The following CNST variants were observed in gnomAD, a reference collection of about 807,000 sequenced individuals.
The protein encoded by CNST is consortin, connexin sorting protein.
CNST carries 39 observed loss-of-function variants against 72.4 expected under a neutral mutation model. The ratio of observed to expected loss-of-function variants is 0.54; its 90% confidence interval spans 0.42 to 0.70. The LOEUF (loss-of-function observed/expected upper bound fraction) is 0.70, where lower values mean the gene tolerates loss of function less well. Ranked by LOEUF, CNST falls within the 30% of genes least tolerant of loss-of-function variation. The pLI is 0.00. For missense variants in CNST, 871 were observed against 868.5 expected (o/e 1.00, Z -0.04); for synonymous variants, 332 against 320.1 (o/e 1.04, Z -0.40).
At position 246,628,850 on chromosome 1, in the gene CNST, A is replaced by T. The variant is rs145833047; in HGVS notation, c.586-3044A>T. On this transcript the variant is annotated intron_variant, in intron 3 of 10. Coordinates refer to ENST00000366513, the MANE Select transcript of CNST (RefSeq NM_152609.3). ...TAGAGCGTTCCTGATTGGTAAAAGGATAACCAGGATCACCTTACACCTGTT... is the reference window on the plus strand; with the variant it reads ...TAGAGCGTTCCTGATTGGTAAAAGGTTAACCAGGATCACCTTACACCTGTT... Among the ~76,000 whole-genome samples, 8 of 152,278 alleles carry T rather than the reference A, an allele frequency of 5.3e-5. No individual in the cohort carries two copies. The South Asian group carries it at 8.3e-4, about 16-fold the overall frequency.
At chr1:246,628,174 A>T (rs1351337006) in intron 3 of CNST, among the ~76,000 whole-genome samples, 1 of 152,138 alleles carries the variant, frequency 6.6e-6, no homozygotes, top group East Asian at 1.9e-4. Context: ...GGTGTCCACC[A>T]GTTTAAAAGG....
intron 1 of CNST, among the ~76,000 whole-genome samples, chr1:246,582,399 AGTGCAGTG>A (rs1438533203): frequency 6.8e-6 from 1 of 147,462 alleles, no homozygotes; most frequent in East Asian, 2.0e-4. Context: ...CCCAGCCTGG[AGTGCAGTG>A]GTGTGATCCC....
intron 3 of CNST, among the ~76,000 whole-genome samples, chr1:246,629,023 G>GTATT (rs1208445382): frequency 6.6e-6 from 1 of 151,994 alleles, no homozygotes; most frequent in Non-Finnish European, 1.5e-5. Context: ...TTTTTTATTT[G>GTATT]TATTTATTTA....
chr1:246,652,211 T>C (rs1260280198), intron 9 of CNST, among the ~76,000 whole-genome samples: 2 of 152,214 alleles, frequency 1.3e-5, no homozygotes, highest in Admixed American at 6.5e-5. Flanking sequence ...CTGGAAGAGT[T>C]GCATTATCTT....
chr1:246,626,451 CTTTT>C (rs74163468), intron 3 of CNST, among the ~76,000 whole-genome samples: 3 of 79,918 alleles, frequency 3.8e-5, no homozygotes, highest in Admixed American at 2.0e-4. Context: ...TAGGTTTGTC[CTTTT>C]TTTTTTTTTT....
chr1:246,641,823 T>C (rs1665710148), intron 7 of CNST, 53 bp downstream of exon 7: 6 of 1,261,574 alleles, frequency 4.8e-6, no homozygotes. Flanking sequence ...TTGTGTCATA[T>C]GTCTGTTGTA....
chr1:246,625,296 CCTTT>C (rs1664339382), intron 3 of CNST, among the ~76,000 whole-genome samples: 1 of 152,086 alleles, frequency 6.6e-6, no homozygotes, highest in South Asian at 2.1e-4. Flanking sequence ...ATGCTCCCAG[CCTTT>C]CTATCTGTAT....
At chr1:246,629,105 T>A (rs766903597) in intron 3 of CNST, among the ~76,000 whole-genome samples, 1 of 152,192 alleles carries the variant, frequency 6.6e-6, no homozygotes, top group Non-Finnish European at 1.5e-5. Flanking sequence ...GCAGCCTTGT[T>A]TTATACAGCT....
At chr1:246,611,554 A>G (rs987917964) in intron 2 of CNST, among the ~76,000 whole-genome samples, 2 of 152,248 alleles carry the variant, frequency 1.3e-5, no homozygotes, top group Non-Finnish European at 2.9e-5. Flanking sequence ...ATTGATTTAG[A>G]AACTCAAACC....
chr1:246,657,690 C>A (rs1666845486), intron 9 of CNST, among the ~76,000 whole-genome samples: 1 of 152,150 alleles, frequency 6.6e-6, no homozygotes, highest in Non-Finnish European at 1.5e-5. Context: ...CACAGCCAAA[C>A]ACCACCCTCC....
chr1:246,616,233 C>T (rs904716903), intron 2 of CNST, among the ~76,000 whole-genome samples: 1 of 152,064 alleles, frequency 6.6e-6, no homozygotes. Flanking sequence ...ATAAATATAT[C>T]TTGAAAACTT....
intron 2 of CNST, among the ~76,000 whole-genome samples, chr1:246,593,732 C>A (rs1282571720): frequency 1.3e-5 from 2 of 152,044 alleles, no homozygotes; most frequent in African/African-American, 2.4e-5. Context: ...CATTCAAGGG[C>A]AAATTCACCA....
intron 1 of CNST, among the ~76,000 whole-genome samples, chr1:246,584,845 GT>G (rs908735711): frequency 2.0e-5 from 3 of 152,048 alleles, no homozygotes; most frequent in African/African-American, 4.8e-5. Flanking sequence ...TGTTTCTGCT[GT>G]TTTTTTCCCC....
intron 8 of CNST, among the ~76,000 whole-genome samples, chr1:246,644,840 A>C (rs2103127390): frequency 6.6e-6 from 1 of 152,268 alleles, no homozygotes; most frequent in Admixed American, 6.5e-5. Flanking sequence ...TTCATGGAGG[A>C]GTGGCTTGGC....
At chr1:246,605,360 G>C (rs80151139) in intron 2 of CNST, among the ~76,000 whole-genome samples, 24,930 of 152,230 alleles carry the variant, frequency 0.16, 2,494 homozygotes, top group Admixed American at 0.22. Context: ...GGAGTCGCTT[G>C]AGTCCATGAG....
At chr1:246,626,451 CTTTTTTTTT>C (rs74163468) in intron 3 of CNST, among the ~76,000 whole-genome samples, 1 of 79,920 alleles carries the variant, frequency 1.3e-5, no homozygotes, top group Non-Finnish European at 2.3e-5. Context: ...TAGGTTTGTC[CTTTTTTTTT>C]TTTTTTTTTT....
intron 2 of CNST, among the ~76,000 whole-genome samples, chr1:246,608,456 A>G (rs751884088): frequency 3.3e-5 from 5 of 152,360 alleles, no homozygotes; most frequent in African/African-American, 7.2e-5. Flanking sequence ...TGTCTAATCA[A>G]ACTTCTGAGA....
At chr1:246,647,035 G>A (rs1053211629) in intron 8 of CNST, 104 bp from the exon 9 acceptor site, 1 of 1,035,452 alleles carries the variant, frequency 9.7e-7, no homozygotes, top group South Asian at 1.7e-5. Context: ...CATTTGAAAG[G>A]GTTAGAATAT....
chr1:246,644,384 T>G (rs1339502580), intron 8 of CNST, among the ~76,000 whole-genome samples: 1 of 65,022 alleles, frequency 1.5e-5, no homozygotes, highest in African/African-American at 6.0e-5. Context: ...CGAGACTCTG[T>G]CTCCAAAAAA....
Sources: allele counts gnomAD v4.1 joint callset (sites outside exome capture counted in the v4.1 genomes callset), GRCh38; gene constraint gnomAD v4.1.1; transcripts MANE v1.5; gene names NCBI Gene and HGNC (gene_info 2026-07-23, HGNC 2026-07-21).